Variants in PTGER3 observed in about 807,000 individuals in gnomAD.
The protein encoded by PTGER3 is prostaglandin E receptor 3, also known as prostaglandin E2 receptor EP3 subtype.
PTGER3 carries 22 observed loss-of-function variants against 34.7 expected under a neutral mutation model. That is an observed-to-expected ratio of 0.63 (90% confidence interval 0.45 to 0.91). The LOEUF is 0.91. PTGER3 is among the 40% of genes least tolerant of loss of function. The pLI is 0.00. For missense variants in PTGER3, 468 were observed against 519.4 expected (o/e 0.90, Z 0.96); for synonymous variants, 241 against 230.1 (o/e 1.05, Z -0.43).
At chr1:70,917,441 G>GTGTGTGTATA (rs376536515) in intron 4 of PTGER3, among the ~76,000 whole-genome samples, 1 of 137,436 alleles carries the variant, frequency 7.3e-6, no homozygotes, top group African/African-American at 3.1e-5. Flanking sequence ...GTGTGTGTGT[G>GTGTGTGTATA]TATACAATCA....
intron 1 of PTGER3, among the ~76,000 whole-genome samples, chr1:71,013,473 C>T (rs1171391131): frequency 2.0e-5 from 3 of 152,078 alleles, no homozygotes; most frequent in African/African-American, 7.2e-5. Flanking sequence ...GAGGCCGAGG[C>T]AGGCGGATCA....
intron 4 of PTGER3, among the ~76,000 whole-genome samples, chr1:70,931,223 G>A (rs376214476): frequency 6.6e-6 from 1 of 152,192 alleles, no homozygotes; most frequent in East Asian, 1.9e-4. Flanking sequence ...CAAGAGGTGG[G>A]TTCCCATGGT....
intron 2 of PTGER3, among the ~76,000 whole-genome samples, chr1:70,983,821 A>G (rs1014335608): frequency 6.6e-5 from 10 of 152,110 alleles, no homozygotes; most frequent in African/African-American, 2.2e-4. Flanking sequence ...TCACTTCCTG[A>G]TTCATTGAAT....
intron 1 of PTGER3, among the ~76,000 whole-genome samples, chr1:71,022,077 G>A (rs547646033): frequency 4.1e-4 from 63 of 151,900 alleles, no homozygotes; most frequent in Non-Finnish European, 6.8e-4. Flanking sequence ...GAGAATTATG[G>A]CAATATCTAT....
At chr1:70,869,195 G>A (rs911218432) in intron 4 of PTGER3, 1 of 448,776 alleles carries the variant, frequency 2.2e-6, no homozygotes, top group Non-Finnish European at 4.5e-6. Context: ...GTCGGGGCAG[G>A]GGTGGTATCA....
chr1:70,931,948 A>G (rs1315935672), intron 4 of PTGER3, among the ~76,000 whole-genome samples: 2 of 152,144 alleles, frequency 1.3e-5, no homozygotes, highest in Non-Finnish European at 2.9e-5. Context: ...TTTCTACTGC[A>G]TTGTCAGGCT....
At chr1:70,991,260 C>G (rs74087138) in intron 2 of PTGER3, among the ~76,000 whole-genome samples, 8,627 of 152,226 alleles carry the variant, frequency 0.057, 440 homozygotes, top group African/African-American at 0.13. Context: ...CTGGCCTGTG[C>G]ACATTACACT....
At chr1:70,940,979 T>C (rs1472488382) in intron 4 of PTGER3, among the ~76,000 whole-genome samples, 1 of 152,226 alleles carries the variant, frequency 6.6e-6, no homozygotes, top group African/African-American at 2.4e-5. Context: ...AATGTAAAGA[T>C]AAATGATTCA....
intron 2 of PTGER3, among the ~76,000 whole-genome samples, chr1:70,999,593 A>G (rs535595011): frequency 1.3e-5 from 2 of 152,354 alleles, no homozygotes; most frequent in East Asian, 1.9e-4. Context: ...TTCACTGATG[A>G]CAAATGGTCT....
At chr1:70,952,565 T>C in exon 4 of PTGER3, 3 of 999,684 alleles carry the variant, frequency 3.0e-6, no homozygotes, top group Non-Finnish European at 3.6e-6. Flanking sequence ...CTGGACCAAA[T>C]GTTAAAATAC....
intron 4 of PTGER3, among the ~76,000 whole-genome samples, chr1:70,933,190 AATG>A (rs1458885904): frequency 4.6e-5 from 7 of 152,128 alleles, no homozygotes; most frequent in African/African-American, 1.4e-4. Flanking sequence ...TTGAAGAGTG[AATG>A]ATGTTACTAT....
At chr1:70,943,720 CTAGTTTTGA>C (rs1649960880) in intron 4 of PTGER3, among the ~76,000 whole-genome samples, 2 of 151,838 alleles carry the variant, frequency 1.3e-5, no homozygotes, top group Admixed American at 1.3e-4. Context: ...GTGAGGGAAA[CTAGTTTTGA>C]TCTCTTCTGA....
At chr1:71,034,576 C>T (rs1294693931) in intron 1 of PTGER3, among the ~76,000 whole-genome samples, 2 of 152,252 alleles carry the variant, frequency 1.3e-5, no homozygotes, top group Admixed American at 1.3e-4. Context: ...AAAATGTAAC[C>T]TCTTTGTGAT....
chr1:70,957,490 G>T (rs1249754878), intron 2 of PTGER3, among the ~76,000 whole-genome samples: 1 of 151,996 alleles, frequency 6.6e-6, no homozygotes, highest in African/African-American at 2.4e-5. Flanking sequence ...TTTTTTTGCA[G>T]GGAAAACTTC....
At chr1:70,958,034 G>A (rs1444079614) in intron 2 of PTGER3, among the ~76,000 whole-genome samples, 1 of 151,982 alleles carries the variant, frequency 6.6e-6, no homozygotes, top group Non-Finnish European at 1.5e-5. Flanking sequence ...TGGTTAAATG[G>A]TATTCTATTG....
intron 4 of PTGER3, among the ~76,000 whole-genome samples, chr1:70,860,828 A>G (rs1452275225): frequency 6.6e-6 from 1 of 152,210 alleles, no homozygotes; most frequent in African/African-American, 2.4e-5. Flanking sequence ...AAAAAGTAGA[A>G]TGATTCACCC....
chr1:70,983,975 C>T (rs1572851725), intron 2 of PTGER3, among the ~76,000 whole-genome samples: 2 of 152,148 alleles, frequency 1.3e-5, no homozygotes, highest in East Asian at 3.9e-4. Flanking sequence ...AAAGCCTGAA[C>T]TGGCCGGAAG....
At chr1:70,963,763 T>C (rs1038157137) in intron 2 of PTGER3, among the ~76,000 whole-genome samples, 1 of 152,166 alleles carries the variant, frequency 6.6e-6, no homozygotes, top group African/African-American at 2.4e-5. Flanking sequence ...AGACATTTTT[T>C]CCATTTTCTT....
exon 4 of PTGER3, chr1:70,952,847 A>T (rs1650894376): frequency 1.3e-6 from 2 of 1,488,526 alleles, no homozygotes; most frequent in Non-Finnish European, 1.8e-6. Context: ...AGAGTCACAA[A>T]CTCAGCTGGA....
Sources: gnomAD v4.1 joint callset for allele counts (sites outside exome capture counted in the v4.1 genomes callset) on GRCh38, gnomAD v4.1.1 for gene constraint, MANE v1.5 for transcripts, NCBI Gene and HGNC (gene_info 2026-07-23, HGNC 2026-07-21) for gene names.